Variants in FAM13A observed in about 807,000 individuals in gnomAD.
FAM13A encodes protein FAM13A.
FAM13A carries 76 observed loss-of-function variants against 129.6 expected under a neutral mutation model. The ratio of observed to expected loss-of-function variants is 0.59; its 90% CI spans 0.49 to 0.71. The LOEUF (loss-of-function observed/expected upper bound fraction) is 0.71. Ranked by LOEUF, FAM13A falls within the 30% of genes least tolerant of loss-of-function variation. The pLI is 0.00. For synonymous variants in FAM13A, 443 were observed against 449.9 expected, an observed-to-expected ratio of 0.98 and a Z score of 0.20; for missense variants, 1,108 against 1,249.3, an observed-to-expected ratio of 0.89 and a Z score of 1.70.
At chr4:88,922,139 C>T (rs1489480702) in intron 5 of FAM13A, among the ~76,000 whole-genome samples, 1 of 152,034 alleles carries the variant, frequency 6.6e-6, no homozygotes, top group African/African-American at 2.4e-5. Context: ...TTAGACAGAT[C>T]AATGAGACAG....
intron 3 of FAM13A, among the ~76,000 whole-genome samples, chr4:88,996,917 C>T (rs1472213329): frequency 6.6e-6 from 1 of 152,074 alleles, no homozygotes; most frequent in Non-Finnish European, 1.5e-5. Context: ...GACAAACTAG[C>T]ATAGGAATAC....
intron 7 of FAM13A, among the ~76,000 whole-genome samples, chr4:88,819,453 T>C (rs116192259): frequency 0.011 from 1,689 of 152,242 alleles, 24 homozygotes; most frequent in African/African-American, 0.038. Context: ...TGACTCAGAG[T>C]TAAAATTTTG....
At chr4:89,002,584 T>C (rs767029428) in intron 3 of FAM13A, among the ~76,000 whole-genome samples, 4 of 152,110 alleles carry the variant, frequency 2.6e-5, no homozygotes, top group Non-Finnish European at 5.9e-5. Flanking sequence ...CATTTGGGCA[T>C]CCCCAAATGA....
At chr4:88,803,760 G>A (rs1728009864) in intron 8 of FAM13A, among the ~76,000 whole-genome samples, 1 of 152,146 alleles carries the variant, frequency 6.6e-6, no homozygotes, top group African/African-American at 2.4e-5. Flanking sequence ...AAGTGATTAT[G>A]CAATATGCTG....
chr4:88,985,863 T>C (rs1405710197), intron 4 of FAM13A, among the ~76,000 whole-genome samples: 1 of 136,290 alleles, frequency 7.3e-6, no homozygotes, highest in Admixed American at 7.2e-5. Context: ...AAAAAAAAAC[T>C]GTTGGAATGA....
At chr4:89,001,902 T>C (rs1177910391) in intron 3 of FAM13A, among the ~76,000 whole-genome samples, 1 of 152,146 alleles carries the variant, frequency 6.6e-6, no homozygotes, top group Admixed American at 6.5e-5. Context: ...TACGGTGGTT[T>C]TCTTAAGAAA....
At chr4:88,750,689 T>A in intron 14 of FAM13A, 52 bp from the exon 15 acceptor site, 1 of 1,417,868 alleles carries the variant, frequency 7.1e-7, no homozygotes, top group South Asian at 1.2e-5. Flanking sequence ...AGGTCAGGGT[T>A]GTTCTTTAAA....
intron 13 of FAM13A, 58 bp downstream of exon 13, chr4:88,767,495 A>C: frequency 7.8e-7 from 1 of 1,284,446 alleles, no homozygotes. Context: ...TCAGAAGTAC[A>C]CTCAAGAGTG....
At chr4:89,008,804 A>T (rs1163718250) in intron 3 of FAM13A, 1 of 152,238 alleles carries the variant, frequency 6.6e-6, no homozygotes, top group Non-Finnish European at 1.5e-5. Context: ...GATTAAAGAA[A>T]TATATAAAAT....
Position 88,728,668 on chromosome 4 carries a change from A to C in FAM13A, c.2946-9T>G, listed in dbSNP as rs1461683657. 1.9e-6 allele frequency: 3 copies of C among 1,613,978 alleles called. No homozygotes were observed. Among genetic ancestry groups the C allele is most frequent in the South Asian group, 2.2e-5 (2 of 91,068 alleles). On this transcript the variant is annotated splice_polypyrimidine_tract_variant and intron_variant, in intron 23 of 23. Transcript: ENST00000264344. ...CTTCCTTCTGGACATTTCTAATGCAAATAAAGGAAAAAGGGGTCTGAGGAT... is the reference window on the plus strand; with the variant it reads ...CTTCCTTCTGGACATTTCTAATGCACATAAAGGAAAAAGGGGTCTGAGGAT...
chr4:88,788,418 A>T (rs1188488231), intron 9 of FAM13A, among the ~76,000 whole-genome samples: 1 of 152,214 alleles, frequency 6.6e-6, no homozygotes, highest in Non-Finnish European at 1.5e-5. Context: ...AATTATATGA[A>T]AATAATGATA....
At chr4:88,803,846 G>T (rs767158277) in intron 8 of FAM13A, among the ~76,000 whole-genome samples, 1 of 152,184 alleles carries the variant, frequency 6.6e-6, no homozygotes, top group Non-Finnish European at 1.5e-5. Context: ...CATTTCTGAA[G>T]TACTAGTGGT....
At chr4:89,023,141 C>G (rs186750345) in intron 2 of FAM13A, among the ~76,000 whole-genome samples, 1 of 152,276 alleles carries the variant, frequency 6.6e-6, no homozygotes, top group East Asian at 1.9e-4. Context: ...ACGCCTTTCC[C>G]TTAAGTTCTG....
chr4:88,881,800 G>A (rs1743619697), intron 6 of FAM13A, among the ~76,000 whole-genome samples: 1 of 152,088 alleles, frequency 6.6e-6, no homozygotes, highest in African/African-American at 2.4e-5. Flanking sequence ...ACAACTTCTG[G>A]AAATGAAGGA....
chr4:88,841,802 A>G (rs1012048910), intron 7 of FAM13A, among the ~76,000 whole-genome samples: 7 of 152,212 alleles, frequency 4.6e-5, no homozygotes, highest in Non-Finnish European at 8.8e-5. Context: ...GGAACCATCA[A>G]ACATTGCTGA....
chr4:89,025,555 C>T (rs1488362179), intron 2 of FAM13A, among the ~76,000 whole-genome samples: 13 of 152,052 alleles, frequency 8.5e-5, no homozygotes, highest in African/African-American at 7.2e-5. Context: ...TGAGCCACCG[C>T]GCCTGGCCGG....
chr4:88,917,865 G>C (rs1750356952), intron 5 of FAM13A, among the ~76,000 whole-genome samples: 1 of 152,128 alleles, frequency 6.6e-6, no homozygotes, highest in Admixed American at 6.6e-5. Flanking sequence ...ATGAACAGCT[G>C]GACATGTCTT....
chr4:88,987,846 A>AAAAAC (rs1444988802), intron 4 of FAM13A, among the ~76,000 whole-genome samples: 2 of 150,786 alleles, frequency 1.3e-5, no homozygotes, highest in Non-Finnish European at 3.0e-5. Context: ...CTCAAAAAAA[A>AAAAAC]AAAAAAAAAC....
chr4:88,893,117 TGAC>T (rs1379300124), intron 6 of FAM13A, among the ~76,000 whole-genome samples: 2 of 152,188 alleles, frequency 1.3e-5, no homozygotes, highest in Admixed American at 1.3e-4. Context: ...AATAAACATA[TGAC>T]AACATAAACA....
Sources: gnomAD v4.1 joint callset for allele counts (sites outside exome capture counted in the v4.1 genomes callset) on GRCh38, gnomAD v4.1.1 for gene constraint, MANE v1.5 for transcripts, NCBI Gene and HGNC (gene_info 2026-07-23, HGNC 2026-07-21) for gene names.